COL6A5: variants seen among roughly 807,000 people sequenced by gnomAD.
The protein encoded by COL6A5 is collagen type VI alpha 5 chain, also known as collagen alpha-5(VI) chain.
COL6A5 carries 48 observed loss-of-function variants against 65.6 expected under a neutral mutation model. That is an observed-to-expected ratio of 0.73 (90% confidence interval 0.58 to 0.93). COL6A5 has a LOEUF of 0.93. Among genes scored for constraint, COL6A5 ranks in the 40% least tolerant of loss-of-function variants. COL6A5 has a pLI of 0.00. For synonymous variants in COL6A5, 291 were observed against 322.8 expected, an observed-to-expected ratio of 0.90 and a Z score of 1.05; for missense variants, 914 against 928.3, an observed-to-expected ratio of 0.98 and a Z score of 0.20.
intron 5 of COL6A5, among the ~76,000 whole-genome samples, chr3:130,462,451 G>A (rs1709723970): frequency 6.6e-6 from 1 of 152,134 alleles, no homozygotes; most frequent in Non-Finnish European, 1.5e-5. Context: ...ATACTGTCAT[G>A]GGAAGGATTT....
intron 1 of COL6A5, among the ~76,000 whole-genome samples, chr3:130,358,060 G>A (rs1007988966): frequency 6.6e-6 from 1 of 152,090 alleles, no homozygotes; most frequent in Admixed American, 6.5e-5. Context: ...GTGGTGGCGG[G>A]CGCCTGTAGT....
intron 24 of COL6A5, among the ~76,000 whole-genome samples, chr3:130,418,257 T>C (rs1032651970): frequency 1.3e-5 from 2 of 152,062 alleles, no homozygotes; most frequent in Non-Finnish European, 2.9e-5. Flanking sequence ...ACTGCTTACC[T>C]CCCTCCTGCG....
intron 7 of COL6A5, among the ~76,000 whole-genome samples, chr3:130,481,277 A>T (rs1284389861): frequency 7.2e-6 from 1 of 138,124 alleles, no homozygotes; most frequent in Non-Finnish European, 1.5e-5. Context: ...GCTCCAACTT[A>T]TGAGTGGGAA....
chr3:130,406,882 G>A (rs572979880), intron 17 of COL6A5, among the ~76,000 whole-genome samples: 1 of 152,252 alleles, frequency 6.6e-6, no homozygotes, highest in South Asian at 2.1e-4. Context: ...TCATGTGCCA[G>A]GCACCTGTCA....
exon 4 of COL6A5, chr3:130,379,419 T>C: frequency 1.3e-6 from 2 of 1,550,094 alleles, no homozygotes; most frequent in Non-Finnish European, 1.7e-6. Flanking sequence ...TCTGCATAGT[T>C]CACTTCCCCA....
At chr3:130,435,016 T>TG (rs1389982132) in intron 1 of COL6A5, among the ~76,000 whole-genome samples, 3 of 152,230 alleles carry the variant, frequency 2.0e-5, no homozygotes, top group Non-Finnish European at 4.4e-5. Flanking sequence ...TCTTTGCCCA[T>TG]GCCTATGTCC....
rs1936976249 is a variant in COL6A5, at chr3:130,406,001, A to G, written c.4362A>G (p.Lys1454=). Residue 1454 remains lysine (K), a synonymous_variant and NMD_transcript_variant, in exon 15 of 42, where the codon AAA becomes AAG. Transcript: ENST00000312481. The stretch of plus-strand genomic sequence containing the variant: ...TATTTCATCTTTTGCAGGGACTCAA[A>G]GGATTTTCTGGACCTAAGGTACTGG... The G allele has an allele frequency of 5.2e-6, 8 of 1,551,460 alleles. No homozygotes were observed. In the East Asian group the frequency reaches 2.0e-4, roughly 38 times the overall value.
chr3:130,451,825 G>A (rs947657955), intron 4 of COL6A5, among the ~76,000 whole-genome samples: 1 of 152,104 alleles, frequency 6.6e-6, no homozygotes, highest in Non-Finnish European at 1.5e-5. Context: ...GGAAAAGGTG[G>A]AGGATCGTCA....
chr3:130,439,538 C>T, exon 2 of COL6A5: 1 of 1,550,632 alleles, frequency 6.4e-7, no homozygotes, highest in East Asian at 2.4e-5. Context: ...AACACTGGAA[C>T]ATTTCAGGTG....
intron 4 of COL6A5, among the ~76,000 whole-genome samples, chr3:130,452,813 A>G (rs917215410): frequency 9.2e-5 from 14 of 152,124 alleles, no homozygotes; most frequent in Non-Finnish European, 4.4e-5. Flanking sequence ...TCATCCCTAC[A>G]GTTTCGACCA....
intron 7 of COL6A5, among the ~76,000 whole-genome samples, chr3:130,392,499 T>A (rs1421456799): frequency 6.6e-6 from 1 of 152,180 alleles, no homozygotes; most frequent in Non-Finnish European, 1.5e-5. Flanking sequence ...ACTTGGAAGG[T>A]CTGAATTCTT....
At chr3:130,368,619 A>G (rs1935431725) in intron 1 of COL6A5, among the ~76,000 whole-genome samples, 1 of 152,022 alleles carries the variant, frequency 6.6e-6, no homozygotes, top group South Asian at 2.1e-4. Flanking sequence ...TAACTTCAGT[A>G]CAAGGCAGAA....
At chr3:130,458,589 C>A (rs1056162648) in intron 5 of COL6A5, among the ~76,000 whole-genome samples, 2 of 152,094 alleles carry the variant, frequency 1.3e-5, no homozygotes, top group Non-Finnish European at 1.5e-5. Context: ...GCATGTTTGA[C>A]CATTTTGGTG....
chr3:130,463,359 C>G (rs1709743365), intron 5 of COL6A5, among the ~76,000 whole-genome samples: 1 of 152,060 alleles, frequency 6.6e-6, no homozygotes, highest in Admixed American at 6.6e-5. Flanking sequence ...TCATGCATAT[C>G]TTGAGATTTC....
chr3:130,402,392 A>G (rs1936847416), intron 12 of COL6A5, among the ~76,000 whole-genome samples: 1 of 152,232 alleles, frequency 6.6e-6, no homozygotes, highest in Non-Finnish European at 1.5e-5. Flanking sequence ...AATATTATAC[A>G]ACAATAGGAT....
intron 19 of COL6A5, 47 bp downstream of exon 19, chr3:130,410,121 T>G: frequency 7.3e-7 from 1 of 1,365,318 alleles, no homozygotes; most frequent in Non-Finnish European, 1.0e-6. Context: ...CTGTTATTGA[T>G]CCAAGTAAAT....
intron 27 of COL6A5, among the ~76,000 whole-genome samples, chr3:130,421,910 C>T (rs998077377): frequency 3.3e-5 from 5 of 152,012 alleles, no homozygotes; most frequent in Non-Finnish European, 7.4e-5. Flanking sequence ...TAGGAACAGA[C>T]ATACCTTTCA....
At chr3:130,430,797 C>T (rs1937769115), upstream of COL6A5, among the ~76,000 whole-genome samples, 1 of 152,194 alleles carries the variant, frequency 6.6e-6, no homozygotes, top group Non-Finnish European at 1.5e-5. Context: ...TCTGAATCCT[C>T]ATTAAGAATA....
rs35177024 is a variant in COL6A5, at chr3:130,398,128, G to GTTTTTTTTTTTTTTTTTTTTTTTTTTTT, written c.3991+37_3991+38insTTTTTTTTTTTTTTTTTTTTTTTTTTTT. The GTTTTTTTTTTTTTTTTTTTTTTTTTTTT allele has an allele frequency of 1.1e-6, 1 of 906,626 alleles. No individual in the cohort carries two copies. The highest frequency in any genetic ancestry group is 1.5e-6 in the Non-Finnish European group (1 of 648,688). The allele number at this position is 906,626 out of a possible 1,614,324, so 56.2% of individuals were successfully genotyped here. A position where few individuals can be genotyped will look rare whatever the true frequency, so the allele number is the denominator to read the frequency against. On this transcript the variant is annotated intron_variant and NMD_transcript_variant, in intron 10 of 41. Coordinates refer to the COL6A5 transcript ENST00000312481. ...GAGAAGCAGGTATTGAGTTGTTGTT[G>GTTTTTTTTTTTTTTTTTTTTTTTTTTTT]TTTTTTTTTTTTTTTTTTTTGAGAT... is the stretch of plus-strand genomic sequence containing the variant.
Sources: gnomAD v4.1 joint callset for allele counts (sites outside exome capture counted in the v4.1 genomes callset) on GRCh38, gnomAD v4.1.1 for gene constraint, MANE v1.5 for transcripts, NCBI Gene and HGNC (gene_info 2026-07-23, HGNC 2026-07-21) for gene names.